GNAO1: variants seen among roughly 807,000 people sequenced by gnomAD.
The protein encoded by GNAO1 is guanine nucleotide-binding protein G(o) subunit alpha.
For missense variants in GNAO1, 166 were observed against 478.7 expected (o/e 0.35, Z 6.10); for synonymous variants, 164 against 180.7 (o/e 0.91, Z 0.74).
intron 2 of GNAO1, among the ~76,000 whole-genome samples, chr16:56,198,832 G>A (rs2036256869): frequency 6.6e-6 from 1 of 152,216 alleles, no homozygotes; most frequent in Admixed American, 6.5e-5. Context: ...GAAGGGGGGT[G>A]CTGTGGTTCA....
intron 3 of GNAO1, among the ~76,000 whole-genome samples, chr16:56,323,166 TGA>T (rs1255127727): frequency 1.3e-5 from 2 of 151,974 alleles, no homozygotes; most frequent in Admixed American, 6.5e-5. Flanking sequence ...TGGAGCCCCG[TGA>T]GAGGGGGCAA....
intron 2 of GNAO1, among the ~76,000 whole-genome samples, chr16:56,198,709 T>A (rs967930384): frequency 2.6e-5 from 4 of 152,226 alleles, no homozygotes; most frequent in African/African-American, 9.6e-5. Flanking sequence ...AATGTAGAAA[T>A]CATTATACAA....
At chr16:56,304,718 A>T (rs1205970563) in intron 3 of GNAO1, among the ~76,000 whole-genome samples, 3 of 152,252 alleles carry the variant, frequency 2.0e-5, no homozygotes, top group Admixed American at 6.5e-5. Flanking sequence ...AATTTACATA[A>T]TAAACAAATG....
intron 3 of GNAO1, among the ~76,000 whole-genome samples, chr16:56,305,204 C>T (rs2037382140): frequency 6.6e-6 from 1 of 152,148 alleles, no homozygotes; most frequent in Non-Finnish European, 1.5e-5. Context: ...GCCTGGAGTC[C>T]ATTTATTCCA....
At chr16:56,196,510 T>C (rs1295789941) in intron 2 of GNAO1, among the ~76,000 whole-genome samples, 1 of 152,206 alleles carries the variant, frequency 6.6e-6, no homozygotes, top group Non-Finnish European at 1.5e-5. Context: ...GAATATCACT[T>C]TAAGTGACTT....
chr16:56,330,824 C>A (rs954101859), intron 4 of GNAO1, among the ~76,000 whole-genome samples: 1 of 152,240 alleles, frequency 6.6e-6, no homozygotes, highest in Non-Finnish European at 1.5e-5. Flanking sequence ...AGGAAATTCT[C>A]CTCCCTGCAG....
chr16:56,275,841 C>A, intron 2 of GNAO1, 90 bp from the exon 3 acceptor site: 1 of 1,160,850 alleles, frequency 8.6e-7, no homozygotes, highest in Non-Finnish European at 1.2e-6. Context: ...GGACCTGGCC[C>A]ACAGTCAGCC....
chr16:56,331,024 G>A (rs1210052737), intron 4 of GNAO1, among the ~76,000 whole-genome samples: 1 of 152,240 alleles, frequency 6.6e-6, no homozygotes, highest in Non-Finnish European at 1.5e-5. Context: ...CTCAGCTTCT[G>A]ACAAAGTCTT....
chr16:56,243,551 A>G (rs1213349043), intron 2 of GNAO1, among the ~76,000 whole-genome samples: 2 of 152,256 alleles, frequency 1.3e-5, no homozygotes, highest in Non-Finnish European at 2.9e-5. Context: ...CAAATGACCA[A>G]TAGCACATGA....
At chr16:56,289,894 G>A (rs528874006) in intron 3 of GNAO1, among the ~76,000 whole-genome samples, 1 of 152,288 alleles carries the variant, frequency 6.6e-6, no homozygotes, top group Non-Finnish European at 1.5e-5. Flanking sequence ...AGCCTCTCCA[G>A]CTTCCCACTG....
At chr16:56,242,358 T>C (rs2036701434) in intron 2 of GNAO1, among the ~76,000 whole-genome samples, 1 of 152,176 alleles carries the variant, frequency 6.6e-6, no homozygotes, top group Admixed American at 6.5e-5. Flanking sequence ...AGATTCAGAA[T>C]AGCCAAAACA....
chr16:56,342,353 A>G (rs1362074977), intron 6 of GNAO1, among the ~76,000 whole-genome samples: 1 of 151,724 alleles, frequency 6.6e-6, no homozygotes, highest in African/African-American at 2.4e-5. Flanking sequence ...ACAGCAGCCC[A>G]CTCCAGCTTA....
intron 3 of GNAO1, among the ~76,000 whole-genome samples, chr16:56,297,141 C>G (rs929422857): frequency 6.6e-6 from 1 of 152,184 alleles, no homozygotes; most frequent in Admixed American, 6.5e-5. Context: ...TCCCTGTACC[C>G]AGGGTGGGGT....
chr16:56,273,504 C>T (rs1357125365), intron 2 of GNAO1, among the ~76,000 whole-genome samples: 1 of 152,050 alleles, frequency 6.6e-6, no homozygotes, highest in Non-Finnish European at 1.5e-5. Context: ...GGGTCTGTTT[C>T]TGTTGACTGC....
chr16:56,341,490 T>A (rs1249205537), intron 6 of GNAO1, among the ~76,000 whole-genome samples: 1 of 152,246 alleles, frequency 6.6e-6, no homozygotes, highest in Non-Finnish European at 1.5e-5. Flanking sequence ...AATGAGCTGA[T>A]GGGCACGCAG....
At chr16:56,207,781 A>G (rs1290212968) in intron 2 of GNAO1, among the ~76,000 whole-genome samples, 1 of 152,226 alleles carries the variant, frequency 6.6e-6, no homozygotes, top group Non-Finnish European at 1.5e-5. Flanking sequence ...TAGGGGAGGT[A>G]ACATTGACAC....
At chr16:56,338,814 G>A (rs2037769021) in intron 6 of GNAO1, among the ~76,000 whole-genome samples, 1 of 149,466 alleles carries the variant, frequency 6.7e-6, no homozygotes, top group Admixed American at 6.6e-5. Flanking sequence ...CATGAGCCTG[G>A]TGCTGGGCCT....
rs187013876 is a variant in GNAO1 at position 56,334,492 on chromosome 16, C to A, written c.465-237C>A. On this transcript the variant is annotated intron_variant, in intron 4 of 8. Transcript: ENST00000262493. The stretch of plus-strand genomic sequence containing the variant: ...TAAAAGCTTGATCTTGTCTGAGTGT[C>A]CCGGGAGCTGCATGCGTAGCCCTTT... Among the ~76,000 whole-genome samples the A allele has an allele frequency of 1.1e-4, 17 of 152,268 alleles. No individual in the cohort carries two copies. The East Asian group carries it at 3.3e-3, about 29-fold the overall frequency.
At chr16:56,303,606 C>T (rs1198929521) in intron 3 of GNAO1, among the ~76,000 whole-genome samples, 1 of 152,218 alleles carries the variant, frequency 6.6e-6, no homozygotes, top group East Asian at 1.9e-4. Flanking sequence ...TCGTGACTGT[C>T]AGACAGTTTA....
Sources: allele counts gnomAD v4.1 joint callset (sites outside exome capture counted in the v4.1 genomes callset), GRCh38; gene constraint gnomAD v4.1.1; transcripts MANE v1.5; gene names NCBI Gene and HGNC (gene_info 2026-07-23, HGNC 2026-07-21).